The following PODXL variants were observed in gnomAD, a reference collection of about 807,000 sequenced individuals.
PODXL encodes the protein podocalyxin.
In PODXL, 20 loss-of-function variants were observed where a neutral mutation model predicts 48.9. The ratio of observed to expected loss-of-function variants is 0.41; its 90% CI spans 0.29 to 0.59. The LOEUF (loss-of-function observed/expected upper bound fraction) is 0.59. Ranked by LOEUF, PODXL falls within the 20% of genes least tolerant of loss-of-function variation. The pLI is 0.31. For synonymous variants in PODXL, 295 were observed against 287.4 expected (o/e 1.03, Z -0.27); for missense variants, 606 against 675.1 (o/e 0.90, Z 1.13).
chr7:131,542,286 G>A (rs1798496007), intron 1 of PODXL, among the ~76,000 whole-genome samples: 1 of 152,174 alleles, frequency 6.6e-6, no homozygotes, highest in African/African-American at 2.4e-5. Flanking sequence ...TGCAAGGTGG[G>A]TGCAGAGGCC....
chr7:131,524,743 A>G (rs1282016632), intron 1 of PODXL, among the ~76,000 whole-genome samples: 1 of 152,220 alleles, frequency 6.6e-6, no homozygotes, highest in Admixed American at 6.5e-5. Flanking sequence ...CAGCAATTCC[A>G]TTCTTATTTA....
chr7:131,522,133 G>A (rs955084456), intron 1 of PODXL, among the ~76,000 whole-genome samples: 5 of 152,174 alleles, frequency 3.3e-5, no homozygotes, highest in Admixed American at 6.5e-5. Context: ...TGTTCCACAA[G>A]GCCAGCAAGT....
intron 5 of PODXL, among the ~76,000 whole-genome samples, chr7:131,508,426 T>G (rs1057207326): frequency 6.6e-6 from 1 of 152,210 alleles, no homozygotes; most frequent in African/African-American, 2.4e-5. Flanking sequence ...CTCTTGCTTT[T>G]CTTTTCTTTC....
intron 6 of PODXL, 55 bp downstream of exon 6, chr7:131,506,524 C>A (rs886065404): frequency 1.3e-6 from 2 of 1,570,658 alleles, no homozygotes; most frequent in Non-Finnish European, 1.7e-6. Flanking sequence ...CTTCTGCATG[C>A]CCCCCATTCC....
chr7:131,533,889 T>C (rs1015912952), intron 1 of PODXL, among the ~76,000 whole-genome samples: 2 of 152,224 alleles, frequency 1.3e-5, no homozygotes, highest in African/African-American at 2.4e-5. Context: ...CTGAATGCTG[T>C]TCCTCAGTTT....
intron 1 of PODXL, among the ~76,000 whole-genome samples, chr7:131,551,927 A>C (rs1202484761): frequency 5.0e-5 from 6 of 120,668 alleles, no homozygotes; most frequent in Admixed American, 2.6e-4. Context: ...ACAGAACGAG[A>C]CTCCATCTCA....
intron 1 of PODXL, among the ~76,000 whole-genome samples, chr7:131,535,615 C>T (rs886510499): frequency 2.0e-5 from 3 of 152,160 alleles, no homozygotes; most frequent in African/African-American, 4.8e-5. Context: ...TCAACTTTGC[C>T]GTCATGGGCC....
intron 1 of PODXL, among the ~76,000 whole-genome samples, chr7:131,525,317 A>G (rs1426754113): frequency 1.3e-5 from 2 of 149,046 alleles, no homozygotes; most frequent in Non-Finnish European, 3.0e-5. Context: ...GGCCAGGCGC[A>G]CTGGTTCACA....
chr7:131,506,031 C>G lies in PODXL; in HGVS notation c.1316G>C (p.Gly439Ala), dbSNP rs757637956. The change falls in exon 8 of 9, where the codon GGG becomes GCG. Residue 439 changes from glycine to alanine, a missense_variant. By Grantham distance (60) the Gly-to-Ala change is moderately conservative. Transcript: ENST00000378555. ...GTCCCCTAGCTTCATGTCACTGACCCCTGCCTGCATGGGAAGTGGCAGAGA... is the reference window on the plus strand; with the variant it reads ...GTCCCCTAGCTTCATGTCACTGACCGCTGCCTGCATGGGAAGTGGCAGAGA... ...KDKWDELKEA[G>A]VSDMKLGDQG... 1.2e-6 allele frequency: 2 copies of G among 1,610,786 alleles called. No homozygotes were observed. Among genetic ancestry groups the G allele is most frequent in the South Asian group, 1.1e-5 (1 of 90,440 alleles).
intron 1 of PODXL, among the ~76,000 whole-genome samples, chr7:131,543,434 T>C (rs1367451203): frequency 6.6e-6 from 1 of 152,096 alleles, no homozygotes; most frequent in Non-Finnish European, 1.5e-5. Flanking sequence ...CCATCCCTTG[T>C]CCCCTGCTCT....
chr7:131,556,548 T>C lies in PODXL; in HGVS notation c.-189A>G. On this transcript the variant is annotated 5_prime_UTR_variant, in exon 1 of 9. Transcript: ENST00000378555. ...CCCTGCCGCTGCAGCAGAGCCGGGC[T>C]GGGGCGCAGAGCCAGTGGCAGAGGA... 1 of 628,378 alleles carries C rather than the reference T, an allele frequency of 1.6e-6. No homozygotes were observed. The highest frequency in any genetic ancestry group is 2.3e-6 in the Non-Finnish European group (1 of 442,948). The allele number at this position is 628,378 out of a possible 1,614,324, so 38.9% of individuals were successfully genotyped here.
In PODXL at chr7:131,540,534, A is replaced by G. The variant is rs542851214; in HGVS notation, c.100+15726T>C. On this transcript the variant is annotated intron_variant, in intron 1 of 8. Coordinates refer to ENST00000378555, the MANE Select transcript of PODXL (RefSeq NM_001018111.3). The stretch of plus-strand genomic sequence containing the variant: ...TTCGCACCGACCCTCACCCTTCTCA[A>G]CTGGCCCTGTCCCTGCTCCCAGGAG... Among the ~76,000 whole-genome samples the G allele has an allele frequency of 3.9e-5, 6 of 151,922 alleles. No individual in the cohort carries two copies. In the South Asian group the frequency reaches 1.3e-3, roughly 32 times the overall value.
chr7:131,554,605 G>C (rs1798716309), intron 1 of PODXL, among the ~76,000 whole-genome samples: 1 of 152,230 alleles, frequency 6.6e-6, no homozygotes, highest in South Asian at 2.1e-4. Context: ...GTGAGCTGGA[G>C]TCAGAGCTTT....
At chr7:131,518,963 G>T (rs895198860) in intron 1 of PODXL, among the ~76,000 whole-genome samples, 2 of 152,178 alleles carry the variant, frequency 1.3e-5, no homozygotes, top group African/African-American at 4.8e-5. Flanking sequence ...ACCTATCCCT[G>T]TGGGTCCCTC....
At position 131,556,573 on chromosome 7, in the gene PODXL, AGCG is replaced by A. The variant is rs950879591; in HGVS notation, c.-217_-215del. ...TGGGGCGCAGAGCCAGTGGCAGAGG[AGCG>A]GCGGCGGCGGCGGCTGCGTCCTGGG... is the stretch of plus-strand genomic sequence containing the variant. On this transcript the variant is annotated 5_prime_UTR_variant, in exon 1 of 9. Transcript: ENST00000378555. The A allele has an allele frequency of 1.2e-3, 568 of 462,372 alleles. No homozygotes were observed. The highest frequency in any genetic ancestry group is 1.5e-3 in the Non-Finnish European group (441 of 300,706). 28.6% of individuals were successfully genotyped at this position (462,372 alleles called of 1,614,324 possible).
intron 8 of PODXL, among the ~76,000 whole-genome samples, chr7:131,505,508 G>T (rs527798985): frequency 6.6e-6 from 1 of 152,112 alleles, no homozygotes; most frequent in African/African-American, 2.4e-5. Context: ...TTAGGCGGGC[G>T]TGGTGGTGGG....
chr7:131,504,402 C>T lies in PODXL; in HGVS notation c.1586G>A (p.Ser529Asn), dbSNP rs759982028. Residue 529 changes from serine (S) to asparagine (N), a missense_variant, in exon 9 of 9, where the codon AGC (serine) becomes AAC (asparagine). Coordinates refer to ENST00000378555, the MANE Select transcript of PODXL (RefSeq NM_001018111.3). ...GCTGTCCCCCAGCTCCCCGTTGAGG[C>T]TGACCACCTTCTTCTCCTGCATCTC... is the stretch of plus-strand genomic sequence containing the variant. ...SSEMQEKKVV[S>N]LNGELGDSWI... The T allele has an allele frequency of 1.9e-6, 3 of 1,614,204 alleles. No individual in the cohort carries two copies. Among genetic ancestry groups the T allele is most frequent in the Non-Finnish European group, 2.5e-6 (3 of 1,180,008 alleles).
Position 131,504,076 on chromosome 7 carries a change from C to T in PODXL, c.*235G>A. The T allele has an allele frequency of 5.3e-6, 3 of 564,864 alleles. 1 individual carries two copies. The highest frequency in any genetic ancestry group is 4.3e-5 in the South Asian group (2 of 46,548). The allele number at this position is 564,864 out of a possible 1,614,324, so 35.0% of individuals were successfully genotyped here. A position where few individuals can be genotyped will look rare whatever the true frequency, so the allele number is the denominator to read the frequency against. On this transcript the variant is annotated 3_prime_UTR_variant, in exon 9 of 9. Coordinates refer to ENST00000378555, the MANE Select transcript of PODXL (RefSeq NM_001018111.3). ...TACGTGGCTTTTTCTTGATCTCCCT[C>T]ATCATCCAGCAGCACTGAGCTCAGG...
At chr7:131,545,999 T>C (rs1005125776) in intron 1 of PODXL, among the ~76,000 whole-genome samples, 5 of 152,258 alleles carry the variant, frequency 3.3e-5, no homozygotes, top group African/African-American at 1.2e-4. Context: ...ACTTCCTACC[T>C]TCCCTTCCTA....
Sources: allele counts gnomAD v4.1 joint callset (sites outside exome capture counted in the v4.1 genomes callset), GRCh38; gene constraint gnomAD v4.1.1; transcripts MANE v1.5; gene names NCBI Gene and HGNC (gene_info 2026-07-23, HGNC 2026-07-21).